The following MAD2L2 variants were observed in gnomAD, a reference collection of about 807,000 sequenced individuals.
The protein encoded by MAD2L2 is mitotic arrest deficient 2 like 2, also known as mitotic spindle assembly checkpoint protein MAD2B.
In MAD2L2, 17 loss-of-function variants were observed where a neutral mutation model predicts 30.5. The ratio of observed to expected loss-of-function variants is 0.56; its 90% CI spans 0.38 to 0.84. The LOEUF is 0.84. MAD2L2 is among the 40% of genes least tolerant of loss of function. The pLI, the probability that MAD2L2 is intolerant of heterozygous loss-of-function variation, is 0.00. For synonymous variants in MAD2L2, 101 were observed against 113.9 expected (o/e 0.89, Z 0.72); for missense variants, 213 against 277.4 (o/e 0.77, Z 1.65).
At chr1:11,685,214 A>G (rs1640938590), upstream of MAD2L2, among the ~76,000 whole-genome samples, 2 of 152,136 alleles carry the variant, frequency 1.3e-5, no homozygotes, top group South Asian at 4.1e-4. Flanking sequence ...TACAGGCTTG[A>G]GCCACCATGC....
intron 4 of MAD2L2, 76 bp from the exon 5 acceptor site, chr1:11,677,024 C>A: frequency 8.6e-7 from 1 of 1,156,454 alleles, no homozygotes; most frequent in Non-Finnish European, 1.3e-6. Context: ...ACCCCCTTGC[C>A]CAAGGAAGGA....
chr1:11,684,609 G>C (rs1181603882), upstream of MAD2L2, among the ~76,000 whole-genome samples: 2 of 152,084 alleles, frequency 1.3e-5, no homozygotes, highest in African/African-American at 4.8e-5. Context: ...AGGACTGCTG[G>C]GGTTTATGGA....
intron 3 of MAD2L2, among the ~76,000 whole-genome samples, chr1:11,678,002 A>G (rs1215584754): frequency 1.3e-5 from 2 of 149,282 alleles, no homozygotes; most frequent in East Asian, 4.0e-4. Flanking sequence ...GGTTGCAGTG[A>G]GCCGAGATCA....
At chr1:11,677,443 C>T (rs756168550) in intron 4 of MAD2L2, 100 bp downstream of exon 4, 2 of 1,169,534 alleles carry the variant, frequency 1.7e-6, no homozygotes, top group South Asian at 1.2e-5. Flanking sequence ...GAAGACCCCA[C>T]AGAGTCCTAG....
At chr1:11,689,470 C>A (rs1199873444) in intron 1 of MAD2L2, among the ~76,000 whole-genome samples, 1 of 152,038 alleles carries the variant, frequency 6.6e-6, no homozygotes. Flanking sequence ...GTGGTGTGCA[C>A]CTGTAATCCC....
In MAD2L2 at chr1:11,674,715, C is replaced by G. The variant is rs987271924; in HGVS notation, c.*60G>C. On this transcript the variant is annotated 3_prime_UTR_variant, in exon 9 of 9. Transcript: ENST00000376692. The surrounding 1 kb of genome is among the most constrained non-coding windows in gnomAD (Gnocchi z 6.1). ...ATCAGGGCAGCCATGCAGCACTGCC[C>G]TAGGCGGGGATCCCCCAAAGTCTGA... 31 of 1,569,852 alleles carry G rather than the reference C, an allele frequency of 2.0e-5. No individual in the cohort carries two copies. The highest frequency in any genetic ancestry group is 2.7e-5 in the Non-Finnish European group (31 of 1,141,732).
intron 3 of MAD2L2, 45 bp downstream of exon 3, chr1:11,680,308 A>G (rs756462582): frequency 2.8e-5 from 43 of 1,520,908 alleles, no homozygotes; most frequent in Admixed American, 1.1e-4. Flanking sequence ...AGAATTTTTA[A>G]AAGTCCACCC....
intron 3 of MAD2L2, among the ~76,000 whole-genome samples, chr1:11,679,614 C>A (rs1288239219): frequency 6.7e-6 from 1 of 148,932 alleles, no homozygotes; most frequent in Non-Finnish European, 1.5e-5. Context: ...TCAACCTCTG[C>A]ATCCCGGGTT....
In MAD2L2 at chr1:11,687,308, C is replaced by T. The variant is rs556613586; in HGVS notation, c.-692+4105G>A. Among the ~76,000 whole-genome samples the T allele has an allele frequency of 2.0e-5, 3 of 152,220 alleles. No individual in the cohort carries two copies. Among genetic ancestry groups the T allele is most frequent in the East Asian group, 1.9e-4 (1 of 5,178 alleles). The stretch of plus-strand genomic sequence containing the variant: ...AGGCTGGAGGGCGGTGGTGCAATCT[C>T]GGCTCAATGAAATCTCTGCCTCCCC... On this transcript the variant is annotated intron_variant, in intron 1 of 10. Transcript: ENST00000235310. The surrounding 1 kb of genome is among the most constrained non-coding windows in gnomAD (Gnocchi z 4.1).
At chr1:11,679,114 A>G (rs1224460091) in intron 3 of MAD2L2, among the ~76,000 whole-genome samples, 2 of 152,256 alleles carry the variant, frequency 1.3e-5, no homozygotes, top group East Asian at 3.8e-4. Context: ...CAGTGAGCCA[A>G]GATCACGCCA....
At chr1:11,677,238 C>T (rs984034876) in intron 4 of MAD2L2, 5 of 597,612 alleles carry the variant, frequency 8.4e-6, no homozygotes, top group South Asian at 2.1e-5. Flanking sequence ...TCAGACAGAA[C>T]GTTTAGCGTG....
rs770829171 is a variant in MAD2L2, at chr1:11,680,395, C to T, written c.117G>A (p.Val39=). The change falls in exon 3 of 9, where the codon GTG becomes GTA. Residue 39 remains valine (V), a synonymous_variant. Transcript: ENST00000376692. ...LILYVREVYP[V]GIFQKRKKYN... Reference sequence around the variant, plus strand: ...ACTTCTTGCGTTTCTGGAAGATGCCCACGGGGTAGACCTCGCGCACGTAGA... The same window carrying T: ...ACTTCTTGCGTTTCTGGAAGATGCCTACGGGGTAGACCTCGCGCACGTAGA... 1.9e-6 allele frequency: 3 copies of T among 1,614,018 alleles called. No individual in the cohort carries two copies. Among genetic ancestry groups the T allele is most frequent in the East Asian group, 2.2e-5 (1 of 44,870 alleles).
chr1:11,691,279 T>TG (rs1641059748), intron 1 of MAD2L2: 1 of 152,228 alleles, frequency 6.6e-6, no homozygotes, highest in Non-Finnish European at 1.5e-5. Context: ...GCTCCATTGT[T>TG]GGGGTCCACC....
At chr1:11,678,105 G>C (rs1490347437) in intron 3 of MAD2L2, among the ~76,000 whole-genome samples, 1 of 146,960 alleles carries the variant, frequency 6.8e-6, no homozygotes, top group African/African-American at 2.5e-5. Context: ...CTTATCCATA[G>C]AGAAAGAAGT....
At chr1:11,682,920 C>T (rs951451283), upstream of MAD2L2, among the ~76,000 whole-genome samples, 1 of 152,216 alleles carries the variant, frequency 6.6e-6, no homozygotes, top group African/African-American at 2.4e-5. Context: ...GCCATTTCCA[C>T]ACAGAGCTGG....
chr1:11,676,719 G>A, intron 5 of MAD2L2, 129 bp downstream of exon 5: 1 of 730,564 alleles, frequency 1.4e-6, no homozygotes, highest in Non-Finnish European at 2.4e-6. Flanking sequence ...CCCTTGTCAT[G>A]CTGGTGCTTC....
At chr1:11,675,269 C>T (rs1050087999) in intron 7 of MAD2L2, 95 bp from the exon 8 acceptor site, 4 of 807,774 alleles carry the variant, frequency 5.0e-6, no homozygotes, top group Admixed American at 5.6e-5. Flanking sequence ...GGGCCTCCAA[C>T]CTGAGCCTCA....
In MAD2L2 at chr1:11,675,573, G is replaced by A; in HGVS notation, c.501+85C>T. 6 of 1,338,608 alleles carry A rather than the reference G, an allele frequency of 4.5e-6. No homozygotes were observed. In the South Asian group the frequency reaches 7.1e-5, roughly 16 times the overall value. The allele number at this position is 1,338,608 out of a possible 1,614,324, so 82.9% of individuals were successfully genotyped here. ...GCCACACCAATGTAATGGGTGGCTG[G>A]CCACAGGCAGTGCCCCTGCCCGCCT... On this transcript the variant is annotated intron_variant, in intron 7 of 8. Transcript: ENST00000376692.
Position 11,690,191 on chromosome 1 carries a change from TGA to T in MAD2L2, c.-692+1220_-692+1221del, listed in dbSNP as rs1204616066. 6.6e-6 allele frequency among the ~76,000 whole-genome samples: 1 copy of T among 152,180 alleles called. No individual in the cohort carries two copies. Among genetic ancestry groups the T allele is most frequent in the Non-Finnish European group, 1.5e-5 (1 of 68,020 alleles). ...ATCTTCTGTCTCCTTCACTAGAATC[TGA>T]GCTCCATGGGGGCAGGGATTCTTGT... is the stretch of plus-strand genomic sequence containing the variant. On this transcript the variant is annotated intron_variant, in intron 1 of 10. Transcript: ENST00000235310. This position sits in a 1 kb window ranked among gnomAD's most constrained non-coding sequence, Gnocchi z 4.2.
Sources: gnomAD v4.1 joint callset for allele counts (sites outside exome capture counted in the v4.1 genomes callset) on GRCh38, gnomAD v4.1.1 for gene constraint, Gnocchi (gnomAD v3.1) non-coding constraint, MANE v1.5 for transcripts, NCBI Gene and HGNC (gene_info 2026-07-23, HGNC 2026-07-21) for gene names.